TRIM71: variants seen among roughly 807,000 people sequenced by gnomAD.
TRIM71 encodes the protein tripartite motif containing 71.
Under a neutral mutation model 61.2 loss-of-function variants are expected in TRIM71, and 9 were observed. That is an observed-to-expected ratio of 0.15 (90% CI 0.09 to 0.26). The LOEUF (loss-of-function observed/expected upper bound fraction) is 0.26, where lower values mean the gene tolerates loss of function less well. Among genes scored for constraint, TRIM71 ranks in the 10% least tolerant of loss-of-function variants. The pLI, the probability that TRIM71 is intolerant of heterozygous loss-of-function variation, is 1.00. For missense variants in TRIM71, 998 were observed against 1,238.7 expected, an observed-to-expected ratio of 0.81 and a Z score of 2.92; for synonymous variants, 645 against 553.2, an observed-to-expected ratio of 1.17 and a Z score of -2.33.
At chr3:32,853,371 C>T (rs946688263) in intron 1 of TRIM71, among the ~76,000 whole-genome samples, 3 of 152,252 alleles carry the variant, frequency 2.0e-5, no homozygotes, top group African/African-American at 7.2e-5. Context: ...CCCACCTGAG[C>T]CTCCCAAAGT....
chr3:32,824,532 C>T (rs1371126435), intron 1 of TRIM71, among the ~76,000 whole-genome samples: 2 of 152,120 alleles, frequency 1.3e-5, no homozygotes, highest in South Asian at 2.1e-4. Context: ...TCACTCATCC[C>T]AGGCTGGAGT....
At chr3:32,821,895 G>A (rs1227206674) in intron 1 of TRIM71, among the ~76,000 whole-genome samples, 1 of 152,128 alleles carries the variant, frequency 6.6e-6, no homozygotes, top group Non-Finnish European at 1.5e-5. Context: ...TCTTCTCCCC[G>A]CAGGCACCCG....
chr3:32,840,264 T>G (rs1338115622), intron 1 of TRIM71, among the ~76,000 whole-genome samples: 1 of 151,788 alleles, frequency 6.6e-6, no homozygotes, highest in African/African-American at 2.4e-5. Flanking sequence ...GCTGGGGATC[T>G]CTGATTGGAA....
intron 1 of TRIM71, among the ~76,000 whole-genome samples, chr3:32,822,811 TTTCCGTCTTTAGAGG>T (rs1454752543): frequency 6.6e-6 from 1 of 152,246 alleles, no homozygotes; most frequent in Non-Finnish European, 1.5e-5. Flanking sequence ...TTTCCTATCT[TTTCCGTCTTTAGAGG>T]CGATCAGATG....
intron 1 of TRIM71, among the ~76,000 whole-genome samples, chr3:32,838,635 A>G (rs766840072): frequency 1.3e-5 from 2 of 149,836 alleles, no homozygotes; most frequent in Non-Finnish European, 3.0e-5. Flanking sequence ...GATATAGGGG[A>G]GCTAAAGCTC....
intron 2 of TRIM71, among the ~76,000 whole-genome samples, chr3:32,878,283 C>G (rs142822352): frequency 6.6e-6 from 1 of 152,260 alleles, no homozygotes; most frequent in East Asian, 1.9e-4. Context: ...ATCTTTTTTT[C>G]TGAGCGGTAG....
intron 2 of TRIM71, among the ~76,000 whole-genome samples, chr3:32,879,788 C>T (rs138745290): frequency 6.6e-6 from 1 of 151,628 alleles, no homozygotes; most frequent in East Asian, 2.0e-4. Flanking sequence ...GCCTGAGCAA[C>T]ATAGTGAGAT....
chr3:32,821,061 C>CT (rs546595321), intron 1 of TRIM71, among the ~76,000 whole-genome samples: 283 of 152,304 alleles, frequency 1.9e-3, no homozygotes, highest in East Asian at 0.01. Flanking sequence ...AGAGACAGCA[C>CT]TAACAGGTAG....
intron 1 of TRIM71, among the ~76,000 whole-genome samples, chr3:32,867,009 A>G (rs1696745040): frequency 6.6e-6 from 1 of 152,220 alleles, no homozygotes; most frequent in Non-Finnish European, 1.5e-5. Context: ...CCTGGGTACC[A>G]GCAGTTGCGA....
At position 32,896,771 on chromosome 3, in the gene TRIM71, C is replaced by G. The variant is rs755778670; in HGVS notation, c.*4960C>G. The G allele has an allele frequency of 5.9e-5, 9 of 152,178 alleles. No individual in the cohort carries two copies. Among genetic ancestry groups the G allele is most frequent in the Non-Finnish European group, 1.3e-4 (9 of 68,036 alleles). 9.4% of individuals were successfully genotyped at this position (152,178 alleles called of 1,614,324 possible). On this transcript the variant is annotated 3_prime_UTR_variant, in exon 4 of 4. Coordinates refer to ENST00000383763, the MANE Select transcript of TRIM71 (RefSeq NM_001039111.3). ...TCCTTTTAATGATTGTATTAACTTACAAGCTCAGGTAGTATTTTTCTTAAG... is the reference window on the plus strand; with the variant it reads ...TCCTTTTAATGATTGTATTAACTTAGAAGCTCAGGTAGTATTTTTCTTAAG...
intron 1 of TRIM71, among the ~76,000 whole-genome samples, chr3:32,863,398 G>A (rs1475561438): frequency 6.6e-6 from 1 of 151,828 alleles, no homozygotes; most frequent in African/African-American, 2.4e-5. Flanking sequence ...CAGGGTCTTT[G>A]TTGGCCGGGC....
At chr3:32,825,219 C>G (rs535768230) in intron 1 of TRIM71, among the ~76,000 whole-genome samples, 1 of 152,206 alleles carries the variant, frequency 6.6e-6, no homozygotes, top group African/African-American at 2.4e-5. Flanking sequence ...GGCTTTATGT[C>G]TTTTCACTGA....
At chr3:32,832,970 C>T (rs34888784) in intron 1 of TRIM71, among the ~76,000 whole-genome samples, 6 of 151,944 alleles carry the variant, frequency 3.9e-5, no homozygotes, top group Non-Finnish European at 7.4e-5. Flanking sequence ...GTCAGGAGTT[C>T]TAGACCAGCC....
chr3:32,832,359 G>A (rs1696282445), intron 1 of TRIM71, among the ~76,000 whole-genome samples: 1 of 152,154 alleles, frequency 6.6e-6, no homozygotes, highest in African/African-American at 2.4e-5. Context: ...TGGAGGAGTG[G>A]AGAGGGCCTG....
intron 3 of TRIM71, among the ~76,000 whole-genome samples, chr3:32,889,942 A>G (rs1396384838): frequency 6.6e-6 from 1 of 152,036 alleles, no homozygotes; most frequent in Non-Finnish European, 1.5e-5. Context: ...TTGTGATCTG[A>G]GAGTGAGTTG....
At chr3:32,844,368 A>AT (rs1696446658) in intron 1 of TRIM71, among the ~76,000 whole-genome samples, 1 of 152,128 alleles carries the variant, frequency 6.6e-6, no homozygotes, top group African/African-American at 2.4e-5. Context: ...GTGAATTGGC[A>AT]TTTTACCCAA....
chr3:32,873,818 G>C lies in TRIM71; in HGVS notation c.853G>C (p.Val285Leu). The change falls in exon 2 of 4, where the codon GTG becomes CTG. Residue 285 changes from valine (V) to leucine (L), a missense_variant and splice_region_variant. By Grantham distance (32) the Val-to-Leu change is conservative. Transcript: ENST00000383763. ...LGFCQHHDDE[V>L]LHLYCDTCSV... ...TGCCTGTACCCTCTCTTGTCCCCAG[G>C]TGCTGCACCTGTACTGTGACACTTG... 6.4e-7 allele frequency: 1 copy of C among 1,572,640 alleles called. No homozygotes were observed. Among genetic ancestry groups the C allele is most frequent in the Non-Finnish European group, 8.7e-7 (1 of 1,153,796 alleles).
rs1372968574 is a variant in TRIM71 at position 32,818,354 on chromosome 3, C to G, written c.274C>G (p.Pro92Ala). ...GGGAGAGCCGCTCAAGCTGCGCTGC[C>G]CCGTGTGCGACCAGAAAGTAGTGCT... ...AAGEPLKLRC[P>A]VCDQKVVLAE... is the part of the protein sequence containing the mutation. The change falls in exon 1 of 4, where the codon CCC (proline) becomes GCC (alanine). Residue 92 changes from proline (P) to alanine (A), a missense_variant. By Grantham distance (27) the Pro-to-Ala change is conservative. This residue lies in a region of TRIM71 where 527 missense variants were observed against 427.8 expected (regional missense o/e 1.23). Coordinates refer to ENST00000383763, the MANE Select transcript of TRIM71 (RefSeq NM_001039111.3). The G allele has an allele frequency of 6.8e-7, 1 of 1,477,018 alleles. No individual in the cohort carries two copies. The highest frequency in any genetic ancestry group is 1.3e-5 in the South Asian group (1 of 79,370). The allele number at this position is 1,477,018 out of a possible 1,614,324, so 91.5% of individuals were successfully genotyped here. A position where few individuals can be genotyped will look rare whatever the true frequency, so the allele number is the denominator to read the frequency against.
intron 1 of TRIM71, among the ~76,000 whole-genome samples, chr3:32,820,967 TATTC>T (rs1696120573): frequency 6.6e-6 from 1 of 152,206 alleles, no homozygotes; most frequent in African/African-American, 2.4e-5. Context: ...TTGGCCTTTT[TATTC>T]ATTCCTGGAT....
Sources: allele counts gnomAD v4.1 joint callset (sites outside exome capture counted in the v4.1 genomes callset), GRCh38; gene constraint gnomAD v4.1.1; regional missense constraint gnomAD v4.1.1; transcripts MANE v1.5; gene names NCBI Gene and HGNC (gene_info 2026-07-23, HGNC 2026-07-21).